Variants in ANO2 observed in about 807,000 individuals in gnomAD.
ANO2 encodes anoctamin 2.
A neutral mutation model predicts 124.2 loss-of-function variants in ANO2; 101 were observed. That is an observed-to-expected ratio of 0.81 (90% CI 0.69 to 0.96). The LOEUF (loss-of-function observed/expected upper bound fraction) is 0.96. ANO2 is among the 40% of genes least tolerant of loss of function. The pLI is 0.00. For missense variants in ANO2, 1,293 were observed against 1,274.5 expected (o/e 1.01, Z -0.22); for synonymous variants, 486 against 482.5 (o/e 1.01, Z -0.09).
At chr12:5,765,123 T>A (rs1026992130) in intron 10 of ANO2, among the ~76,000 whole-genome samples, 3 of 152,146 alleles carry the variant, frequency 2.0e-5, no homozygotes, top group African/African-American at 7.2e-5. Context: ...TGCATTAAAG[T>A]AAGAATGCAA....
intron 4 of ANO2, among the ~76,000 whole-genome samples, chr12:5,841,105 G>T (rs1954499703): frequency 6.6e-6 from 1 of 152,206 alleles, no homozygotes; most frequent in African/African-American, 2.4e-5. Context: ...GAGGCACACA[G>T]GCACACGCTG....
intron 4 of ANO2, among the ~76,000 whole-genome samples, chr12:5,847,733 TA>T (rs1565719195): frequency 6.6e-6 from 1 of 152,200 alleles, no homozygotes; most frequent in Non-Finnish European, 1.5e-5. Flanking sequence ...CTTTCCCTCC[TA>T]AAGGGCCACT....
intron 4 of ANO2, among the ~76,000 whole-genome samples, chr12:5,852,249 A>T (rs557056898): frequency 6.6e-6 from 1 of 152,308 alleles, no homozygotes; most frequent in East Asian, 1.9e-4. Context: ...CCCGCATTTG[A>T]GGGCTGCGGT....
At chr12:5,921,506 G>A in intron 2 of ANO2, 140 bp from the exon 3 acceptor site, 1 of 802,524 alleles carries the variant, frequency 1.2e-6, no homozygotes, top group Non-Finnish European at 1.9e-6. Flanking sequence ...AGTGCCCCCA[G>A]TAAAAGGACC....
chr12:5,916,128 T>C (rs1941360838), intron 3 of ANO2, among the ~76,000 whole-genome samples: 4 of 151,916 alleles, frequency 2.6e-5, no homozygotes, highest in Middle Eastern at 3.4e-3. Context: ...AATACAAAAA[T>C]TAGCTGGGCA....
At chr12:5,695,783 T>G (rs1008231080) in intron 14 of ANO2, among the ~76,000 whole-genome samples, 1 of 149,488 alleles carries the variant, frequency 6.7e-6, no homozygotes. Context: ...GGAGGTTTTG[T>G]TGAGCCGAGA....
intron 8 of ANO2, among the ~76,000 whole-genome samples, chr12:5,806,462 A>C (rs1219592229): frequency 6.6e-6 from 1 of 152,238 alleles, no homozygotes; most frequent in Non-Finnish European, 1.5e-5. Context: ...TTAGCAGTGC[A>C]TATGCCACTG....
At chr12:5,820,921 C>T (rs1953774822) in intron 7 of ANO2, among the ~76,000 whole-genome samples, 1 of 152,252 alleles carries the variant, frequency 6.6e-6, no homozygotes, top group African/African-American at 2.4e-5. Context: ...AATGCCTTTT[C>T]CTCCATTCCT....
At chr12:5,589,307 G>T (rs1033675724) in intron 20 of ANO2, among the ~76,000 whole-genome samples, 3 of 152,132 alleles carry the variant, frequency 2.0e-5, no homozygotes, top group Non-Finnish European at 4.4e-5. Context: ...TGGGATGGGG[G>T]AGGGGAGGAG....
At chr12:5,621,276 T>C (rs147728709) in intron 16 of ANO2, among the ~76,000 whole-genome samples, 1 of 152,280 alleles carries the variant, frequency 6.6e-6, no homozygotes, top group East Asian at 1.9e-4. Context: ...GAACATGCAT[T>C]GAATAAATGA....
intron 14 of ANO2, among the ~76,000 whole-genome samples, chr12:5,679,329 C>T (rs1185853944): frequency 6.6e-6 from 1 of 152,162 alleles, no homozygotes; most frequent in African/African-American, 2.4e-5. Context: ...GCAAAAGAAA[C>T]TATCATCAGA....
intron 4 of ANO2, among the ~76,000 whole-genome samples, chr12:5,850,820 T>C (rs1954867845): frequency 6.6e-6 from 1 of 152,152 alleles, no homozygotes. Context: ...AGAAAGGAAG[T>C]TGACTGGGGG....
rs557262412 is a variant in ANO2 at position 5,609,699 on chromosome 12, T to C, written c.2087+2957A>G. Among the ~76,000 whole-genome samples the C allele has an allele frequency of 3.2e-4, 48 of 151,830 alleles. 2 individuals are homozygous for C. Among genetic ancestry groups the C allele is most frequent in the East Asian group, 2.9e-3 (15 of 5,154 alleles). ...AACCTAGGACTCCACAATCTTTCGA[T>C]AGATTTAGAGAGATTCTGGGCTTTT... On this transcript the variant is annotated intron_variant, in intron 19 of 24. Coordinates refer to ENST00000682330, the MANE Select transcript of ANO2 (RefSeq NM_001364791.2).
rs750357298 is a variant in ANO2, at chr12:5,647,764, G to A, written c.1583C>T (p.Pro528Leu). ...GGAGGCAAAGTTCATCAGGTAACCT[G>A]GGAAACGATCCTTCCAGGTCAGTTT... ...EDKLTWKDRF[P>L]GYLMNFASIL... The change falls in exon 15 of 25, where the codon CCA becomes CTA. Residue 528 changes from proline (P) to leucine (L), a missense_variant. Transcript: ENST00000682330. The A allele has an allele frequency of 3.2e-5, 52 of 1,610,450 alleles. No homozygotes were observed. Among genetic ancestry groups the A allele is most frequent in the South Asian group, 2.3e-4 (21 of 89,588 alleles).
rs150793829 is a variant in ANO2, at chr12:5,895,329, C to A, written c.534+25711G>T. Among the ~76,000 whole-genome samples the A allele has an allele frequency of 3.5e-3, 535 of 152,120 alleles. 4 individuals are homozygous for A. The highest frequency in any genetic ancestry group is 0.013 in the African/African-American group (521 of 41,514). ...TGTATAGAAATGCTTGTGATTTTTG[C>A]ACATTGATTTTATATTCTGAGATTT... On this transcript the variant is annotated intron_variant, in intron 3 of 24. Transcript: ENST00000682330.
intron 3 of ANO2, among the ~76,000 whole-genome samples, chr12:5,864,327 A>T (rs1955361709): frequency 6.6e-6 from 1 of 152,252 alleles, no homozygotes; most frequent in African/African-American, 2.4e-5. Flanking sequence ...CATAAGCCCC[A>T]AAGATGTTGG....
chr12:5,927,285 G>A (rs1242704031), intron 1 of ANO2, among the ~76,000 whole-genome samples: 2 of 152,066 alleles, frequency 1.3e-5, no homozygotes, highest in African/African-American at 4.8e-5. Flanking sequence ...TCATATCAGT[G>A]GCCTCAGGTG....
chr12:5,728,699 A>G (rs1343598232), intron 14 of ANO2, among the ~76,000 whole-genome samples: 1 of 152,218 alleles, frequency 6.6e-6, no homozygotes, highest in Non-Finnish European at 1.5e-5. Flanking sequence ...TTTTGAAAAA[A>G]AAGTACAAAG....
chr12:5,754,100 G>A (rs905987121), intron 10 of ANO2, among the ~76,000 whole-genome samples: 10 of 152,134 alleles, frequency 6.6e-5, no homozygotes, highest in Middle Eastern at 3.4e-3. Context: ...CTAACTTGTT[G>A]AGCTGTAAGT....
Sources: allele counts gnomAD v4.1 joint callset (sites outside exome capture counted in the v4.1 genomes callset), GRCh38; gene constraint gnomAD v4.1.1; transcripts MANE v1.5; gene names NCBI Gene and HGNC (gene_info 2026-07-23, HGNC 2026-07-21).